ZNF143: variants seen among roughly 807,000 people sequenced by gnomAD.
The protein encoded by ZNF143 is zinc finger protein 143, also known as SPH-binding factor.
A neutral mutation model predicts 74.1 loss-of-function variants in ZNF143; 49 were observed. That is an observed-to-expected ratio of 0.66 (90% CI 0.53 to 0.84). The LOEUF (loss-of-function observed/expected upper bound fraction) is 0.84, where lower values mean the gene tolerates loss of function less well. Ranked by LOEUF, ZNF143 falls within the 40% of genes least tolerant of loss-of-function variation. ZNF143 has a pLI of 0.00. For synonymous variants in ZNF143, 304 were observed against 282.8 expected (o/e 1.07, Z -0.75); for missense variants, 637 against 793.4 (o/e 0.80, Z 2.37).
intron 14 of ZNF143, among the ~76,000 whole-genome samples, chr11:9,524,364 TG>T (rs1849051929): frequency 6.6e-6 from 1 of 152,210 alleles, no homozygotes; most frequent in Admixed American, 6.5e-5. Context: ...GGTTTATAAT[TG>T]TTATCTGCAG....
chr11:9,511,509 A>G (rs1455631842), intron 12 of ZNF143, among the ~76,000 whole-genome samples: 7 of 146,098 alleles, frequency 4.8e-5, no homozygotes, highest in Admixed American at 6.9e-5. Flanking sequence ...TCACCGTGTT[A>G]GCCAGGATGG....
intron 1 of ZNF143, among the ~76,000 whole-genome samples, chr11:9,464,111 T>TGTGTGC (rs1554959799): frequency 1.3e-5 from 2 of 151,722 alleles, no homozygotes; most frequent in African/African-American, 4.8e-5. Context: ...TGTGTGTGTG[T>TGTGTGC]GTGTATTTGT....
rs1278843841 is a variant in ZNF143 at position 9,508,763 on chromosome 11, C to T, written c.1292C>T (p.Thr431Met). 4 of 1,613,052 alleles carry T rather than the reference C, an allele frequency of 2.5e-6. No individual in the cohort carries two copies. Among genetic ancestry groups the T allele is most frequent in the African/African-American group, 1.3e-5 (1 of 75,018 alleles). ...HCGKTYKQIS[T>M]LAMHKRTAHN... ...GGGAAGACATACAAGCAGATCTCCA[C>T]GCTGGCCATGCACAAACGGACAGCC... The change falls in exon 12 of 16, where the codon ACG becomes ATG. Residue 431 changes from threonine to methionine, a missense_variant. Transcript: ENST00000396602.
intron 14 of ZNF143, among the ~76,000 whole-genome samples, chr11:9,523,916 C>T (rs1262680827): frequency 4.0e-5 from 6 of 151,298 alleles, no homozygotes; most frequent in South Asian, 4.2e-4. Flanking sequence ...AGTGAGGTGC[C>T]GCATGCCTGT....
chr11:9,477,714 A>G (rs1418528131), intron 5 of ZNF143, among the ~76,000 whole-genome samples: 2 of 152,218 alleles, frequency 1.3e-5, no homozygotes, highest in African/African-American at 4.8e-5. Context: ...TTAGAGGGGA[A>G]AAAACCACCA....
rs907465087 is a variant in ZNF143 at position 9,484,172 on chromosome 11, T to A, written c.645+4626T>A. Among the ~76,000 whole-genome samples the A allele has an allele frequency of 2.6e-5, 4 of 151,292 alleles. 1 individual carries two copies. The highest frequency in any genetic ancestry group is 9.8e-5 in the African/African-American group (4 of 40,700). ...AATGATTAATTACCGTATTTAAGGT[T>A]GAGAACCTAGTACTTGGTTTTTTGT... is the stretch of plus-strand genomic sequence containing the variant. On this transcript the variant is annotated intron_variant, in intron 7 of 15. Coordinates refer to ENST00000396602, the MANE Select transcript of ZNF143 (RefSeq NM_003442.6).
chr11:9,499,840 G>T (rs1022950830), intron 10 of ZNF143, among the ~76,000 whole-genome samples: 10 of 152,350 alleles, frequency 6.6e-5, no homozygotes, highest in African/African-American at 2.2e-4. Context: ...AAGGGTACAT[G>T]AGAATCAAAA....
chr11:9,521,240 A>G (rs1355768545), intron 14 of ZNF143, among the ~76,000 whole-genome samples: 2 of 152,248 alleles, frequency 1.3e-5, no homozygotes, highest in East Asian at 3.8e-4. Flanking sequence ...ACATACATCT[A>G]TCAATAGAGG....
chr11:9,496,763 A>AT (rs1847973548), intron 9 of ZNF143, among the ~76,000 whole-genome samples: 1 of 151,650 alleles, frequency 6.6e-6, no homozygotes, highest in South Asian at 2.1e-4. Flanking sequence ...TGCCCGGCTC[A>AT]TATTTTGTAT....
intron 11 of ZNF143, among the ~76,000 whole-genome samples, chr11:9,503,896 C>T (rs1316184006): frequency 2.0e-5 from 3 of 150,416 alleles, no homozygotes; most frequent in Admixed American, 6.6e-5. Flanking sequence ...AGGTGATTCA[C>T]CTGCCTTGGC....
intron 7 of ZNF143, among the ~76,000 whole-genome samples, chr11:9,480,489 A>G (rs1433657310): frequency 6.6e-6 from 1 of 152,160 alleles, no homozygotes; most frequent in Non-Finnish European, 1.5e-5. Flanking sequence ...TAACATGACC[A>G]CTTAGTGACA....
Position 9,501,286 on chromosome 11 carries a change from C to G in ZNF143, c.1147+16C>G, listed in dbSNP as rs778638826. The G allele has an allele frequency of 2.5e-6, 4 of 1,609,140 alleles. No homozygotes were observed. In the Admixed American group the frequency reaches 6.8e-5, roughly 27 times the overall value. Reference sequence around the variant, plus strand: ...ATACACACAGGTAACAATCTCTGATCTTTTGGTCTTTTATCTTTCAAGGCT... The same window carrying G: ...ATACACACAGGTAACAATCTCTGATGTTTTGGTCTTTTATCTTTCAAGGCT... On this transcript the variant is annotated intron_variant, in intron 11 of 15. Transcript: ENST00000396602.
intron 1 of ZNF143, among the ~76,000 whole-genome samples, chr11:9,466,443 C>G (rs532215501): frequency 4.0e-5 from 6 of 151,404 alleles, no homozygotes; most frequent in East Asian, 3.9e-4. Context: ...TTACAGGCGT[C>G]TGCCACCACG....
At chr11:9,523,278 C>T (rs936842766) in intron 14 of ZNF143, among the ~76,000 whole-genome samples, 2 of 152,084 alleles carry the variant, frequency 1.3e-5, no homozygotes, top group African/African-American at 2.4e-5. Flanking sequence ...AGTCCTGGGA[C>T]GTAATCTTAC....
intron 10 of ZNF143, among the ~76,000 whole-genome samples, chr11:9,498,155 G>A (rs983408504): frequency 2.0e-5 from 3 of 152,230 alleles, no homozygotes; most frequent in African/African-American, 7.2e-5. Flanking sequence ...TGCAGGGACG[G>A]TACTTGAGGA....
chr11:9,522,404 T>A (rs12806247), intron 14 of ZNF143, among the ~76,000 whole-genome samples: 36 of 151,948 alleles, frequency 2.4e-4, no homozygotes, highest in East Asian at 3.9e-4. Flanking sequence ...AAAAAAAAAA[T>A]TTAAATTGTC....
intron 11 of ZNF143, among the ~76,000 whole-genome samples, chr11:9,506,188 T>A (rs1291168032): frequency 3.3e-5 from 5 of 152,018 alleles, no homozygotes; most frequent in African/African-American, 1.2e-4. Flanking sequence ...AAAAGTTAGC[T>A]GGGTGTGGTG....
At chr11:9,490,380 C>G (rs1380497095) in intron 7 of ZNF143, among the ~76,000 whole-genome samples, 1 of 147,050 alleles carries the variant, frequency 6.8e-6, no homozygotes. Context: ...GCCTCAACCT[C>G]CTGGGTTCAA....
rs893210512 is a variant in ZNF143, at chr11:9,523,580, A to G, written c.1687-1660A>G. The stretch of plus-strand genomic sequence containing the variant: ...AACCCCGTGTCTACTAAAAAATACA[A>G]AAAATTAGCTGGGCGTGATGGCGGG... On this transcript the variant is annotated intron_variant, in intron 14 of 15. Coordinates refer to ENST00000396602, the MANE Select transcript of ZNF143 (RefSeq NM_003442.6). Among the ~76,000 whole-genome samples the G allele has an allele frequency of 3.3e-4, 50 of 151,624 alleles. 1 individual carries two copies. Among genetic ancestry groups the G allele is most frequent in the Admixed American group, 3.2e-3 (49 of 15,226 alleles).
Sources: gnomAD v4.1 joint callset for allele counts (sites outside exome capture counted in the v4.1 genomes callset) on GRCh38, gnomAD v4.1.1 for gene constraint, MANE v1.5 for transcripts, NCBI Gene and HGNC (gene_info 2026-07-23, HGNC 2026-07-21) for gene names.